The following TELO2 variants were observed in gnomAD, a reference collection of about 807,000 sequenced individuals.
TELO2 encodes the protein telomere length regulation protein TEL2 homolog.
Under a neutral mutation model 91.0 loss-of-function variants are expected in TELO2, and 71 were observed. The observed-to-expected ratio is 0.78, with a 90% CI of 0.64 to 0.95. TELO2 has a LOEUF of 0.95. Among genes scored for constraint, TELO2 ranks in the 40% least tolerant of loss-of-function variants. TELO2 has a pLI of 0.00. For synonymous variants in TELO2, 584 were observed against 518.9 expected (o/e 1.13, Z -1.71); for missense variants, 1,183 against 1,141.3 (o/e 1.04, Z -0.53).
intron 16 of TELO2, 26 bp from the exon 17 acceptor site, chr16:1,506,212 G>A (rs1476151232): frequency 5.0e-6 from 8 of 1,611,996 alleles, no homozygotes; most frequent in Non-Finnish European, 5.1e-6. Flanking sequence ...CTGCACCTCC[G>A]TGATCGCTGT....
intron 5 of TELO2, among the ~76,000 whole-genome samples, chr16:1,498,275 A>G (rs938064898): frequency 2.0e-5 from 3 of 152,196 alleles, no homozygotes; most frequent in Non-Finnish European, 4.4e-5. Context: ...TCGGCTTCCC[A>G]AAGTGTTGGG....
Position 1,497,428 on chromosome 16 carries a change from C to T in TELO2, c.750C>T (p.Arg250=), listed in dbSNP as rs552118316. The T allele has an allele frequency of 1.1e-5, 17 of 1,559,218 alleles. No individual in the cohort carries two copies. Among genetic ancestry groups the T allele is most frequent in the Middle Eastern group, 1.7e-4 (1 of 5,906 alleles). The change falls in exon 5 of 21, where the codon CGC becomes CGT. Residue 250 remains arginine, a synonymous_variant. Coordinates refer to ENST00000262319, the MANE Select transcript of TELO2 (RefSeq NM_016111.4). The surrounding 1 kb of genome is among the most constrained non-coding windows in gnomAD (Gnocchi z 4.0). The stretch of plus-strand genomic sequence containing the variant: ...CCCAGGGCAGCTACCTGCACCAGCG[C>T]GTCTGCTGGCGCCTGGTGGAGCAAG... The part of the protein sequence containing the change: ...ALTQGSYLHQ[R]VCWRLVEQVP...
At position 1,494,301 on chromosome 16, in the gene TELO2, A is replaced by G. The variant is rs2667661; in HGVS notation, c.20A>G (p.Glu7Gly). The change falls in exon 2 of 21, where the codon GAG (glutamate) becomes GGG (glycine). Residue 7 changes from glutamate (E) to glycine (G), a missense_variant. Physicochemically the swap from Glu to Gly is moderately conservative, Grantham distance 98. Coordinates refer to ENST00000262319, the MANE Select transcript of TELO2 (RefSeq NM_016111.4). The surrounding 1 kb of genome is among the most constrained non-coding windows in gnomAD (Gnocchi z 5.6). ...TGCAGGATGGAGCCAGCACCCTCAG[A>G]GGTTCGACTCGCCGTCCGGGAAGCC... MEPAPS[E>G]VRLAVREAIH... is the part of the protein sequence containing the mutation. The G allele has an allele frequency of 0.25, 410,516 of 1,612,066 alleles. 55,204 individuals carry two copies. Among genetic ancestry groups the G allele is most frequent in the East Asian group, 0.54 (24,202 of 44,784 alleles).
chr16:1,500,861 C>T (rs1596259140), intron 9 of TELO2, among the ~76,000 whole-genome samples, 162 bp downstream of exon 9: 1 of 152,232 alleles, frequency 6.6e-6, no homozygotes, highest in Admixed American at 6.5e-5. Context: ...GGCAGGTTCT[C>T]AGCCCTGAGC....
In TELO2 at chr16:1,494,908, G is replaced by C. The variant is rs911184593; in HGVS notation, c.335+292G>C. Among the ~76,000 whole-genome samples, 1 of 152,204 alleles carries C rather than the reference G, an allele frequency of 6.6e-6. No individual in the cohort carries two copies. Among genetic ancestry groups the C allele is most frequent in the African/African-American group, 2.4e-5 (1 of 41,438 alleles). On this transcript the variant is annotated intron_variant, in intron 2 of 20. Transcript: ENST00000262319. The surrounding 1 kb of genome is among the most constrained non-coding windows in gnomAD (Gnocchi z 5.6). The stretch of plus-strand genomic sequence containing the variant: ...CAGAGGCAGCCCGTCAGCTGGGGAC[G>C]TTCCAGGTTTTCCAGGGAAGCACAG...
chr16:1,496,800 C>T (rs1186943125), intron 3 of TELO2, among the ~76,000 whole-genome samples: 1 of 152,226 alleles, frequency 6.6e-6, no homozygotes, highest in African/African-American at 2.4e-5. Flanking sequence ...CCTACACCAT[C>T]GTGACGATTA....
At position 1,497,458 on chromosome 16, in the gene TELO2, G is replaced by T; in HGVS notation, c.780G>T (p.Pro260=). 1 of 1,573,348 alleles carries T rather than the reference G, an allele frequency of 6.4e-7. No individual in the cohort carries two copies. The highest frequency in any genetic ancestry group is 8.6e-7 in the Non-Finnish European group (1 of 1,161,110). The stretch of plus-strand genomic sequence containing the variant: ...GCTGGCGCCTGGTGGAGCAAGTGCC[G>T]GACCGGGCCATGGAGGCTGTGCTGA... ...RVCWRLVEQV[P]DRAMEAVLTG... is the part of the protein sequence containing the mutation. The change falls in exon 5 of 21, where the codon CCG becomes CCT. Residue 260 remains proline (P), a synonymous_variant. Coordinates refer to ENST00000262319, the MANE Select transcript of TELO2 (RefSeq NM_016111.4). The surrounding 1 kb of genome is among the most constrained non-coding windows in gnomAD (Gnocchi z 4.0).
rs779619369 is a variant in TELO2, at chr16:1,502,718, G to T, written c.1727G>T (p.Arg576Leu). ...KTCVVGFAGL[R>L]QRALVAVTVT... ...TGTGTGGTGGGATTTGCAGGGCTGC[G>T]CCAGAGAGCCCTGGTGGCCGTCACG... Residue 576 changes from arginine (R) to leucine (L), a missense_variant, in exon 14 of 21, where the codon CGC becomes CTC. By Grantham distance (102) the Arg-to-Leu change is moderately radical. Transcript: ENST00000262319. The T allele has an allele frequency of 3.1e-6, 5 of 1,612,502 alleles. No homozygotes were observed. Among genetic ancestry groups the T allele is most frequent in the Non-Finnish European group, 4.2e-6 (5 of 1,179,884 alleles).
At position 1,499,421 on chromosome 16, in the gene TELO2, G is replaced by T. The variant is rs2039599321; in HGVS notation, c.933+88G>T. 6 of 1,429,738 alleles carry T rather than the reference G, an allele frequency of 4.2e-6. No homozygotes were observed. In the East Asian group the frequency reaches 1.4e-4, roughly 33 times the overall value. 88.6% of individuals were successfully genotyped at this position (1,429,738 alleles called of 1,614,324 possible). ...ACATGGGGTCGGAGCGGTGTCTGCT[G>T]CCTGGGAGACCCTGCCTGTGATTTG... On this transcript the variant is annotated intron_variant, in intron 6 of 20. Transcript: ENST00000262319.
rs935962264 is a variant in TELO2 at position 1,505,241 on chromosome 16, C to T, written c.1843-169C>T. ...CCCCACCTTCCCGCCTACCAAGGCG[C>T]GGTTGCTGTGAGCTACGGGGAAGTG... On this transcript the variant is annotated intron_variant, in intron 15 of 20. Transcript: ENST00000262319. This position sits in a 1 kb window ranked among gnomAD's most constrained non-coding sequence, Gnocchi z 4.3. 1.8e-5 allele frequency: 13 copies of T among 737,404 alleles called. No homozygotes were observed. The highest frequency in any genetic ancestry group is 1.2e-4 in the Admixed American group (4 of 33,786). The allele number at this position is 737,404 out of a possible 1,614,324, so 45.7% of individuals were successfully genotyped here. A position where few individuals can be genotyped will look rare whatever the true frequency, so the allele number is the denominator to read the frequency against.
At chr16:1,501,841 C>A in intron 11 of TELO2, 68 bp downstream of exon 11, 2 of 1,533,898 alleles carry the variant, frequency 1.3e-6, no homozygotes, top group Non-Finnish European at 8.9e-7. Flanking sequence ...ACACTCCAAG[C>A]TGCGGCCCCG....
In TELO2 at chr16:1,506,926, ACCTTGGGCT is replaced by A; in HGVS notation, c.2127-23_2127-15del. On this transcript the variant is annotated splice_polypyrimidine_tract_variant and intron_variant, in intron 17 of 20. Transcript: ENST00000262319. ...GACCTGGCCCTGAGGCACCCGCTGC[ACCTTGGGCT>A]CCATCCTGTGCTCTAGGCCTCTGGT... The A allele has an allele frequency of 6.3e-7, 1 of 1,589,008 alleles. No individual in the cohort carries two copies. Among genetic ancestry groups the A allele is most frequent in the Non-Finnish European group, 8.6e-7 (1 of 1,167,156 alleles).
intron 15 of TELO2, among the ~76,000 whole-genome samples, chr16:1,504,654 T>C (rs944459429): frequency 1.4e-5 from 2 of 139,802 alleles, no homozygotes; most frequent in Non-Finnish European, 3.0e-5. Context: ...CCCTCCCGGG[T>C]TCACGCCATT....
chr16:1,495,942 G>A (rs2039475525), intron 3 of TELO2, among the ~76,000 whole-genome samples: 1 of 152,246 alleles, frequency 6.6e-6, no homozygotes, highest in South Asian at 2.1e-4. Flanking sequence ...GCCCTGGAGA[G>A]GGGGTGCTGT....
intron 3 of TELO2, among the ~76,000 whole-genome samples, chr16:1,495,985 G>A (rs1449511289): frequency 2.0e-5 from 3 of 152,228 alleles, no homozygotes; most frequent in Admixed American, 6.5e-5. Context: ...GGGCTGCAGG[G>A]CCCCGTGAGC....
At chr16:1,500,218 G>T in intron 7 of TELO2, 54 bp downstream of exon 7, 6 of 1,553,492 alleles carry the variant, frequency 3.9e-6, no homozygotes, top group Non-Finnish European at 5.2e-6. Context: ...AGAGCCGTGC[G>T]GGGCTCACCT....
chr16:1,504,064 G>A (rs1440103334), intron 15 of TELO2, among the ~76,000 whole-genome samples: 1 of 147,886 alleles, frequency 6.8e-6, no homozygotes, highest in Admixed American at 6.8e-5. Flanking sequence ...GGTTGAGGCT[G>A]TCGTGAGCCG....
At chr16:1,506,127 G>C (rs2039884147) in intron 16 of TELO2, 111 bp from the exon 17 acceptor site, 6 of 1,208,168 alleles carry the variant, frequency 5.0e-6, no homozygotes, top group Middle Eastern at 2.3e-4. Flanking sequence ...AGCCCGGGGA[G>C]GCAAGGCGAG....
chr16:1,499,094 G>A, intron 5 of TELO2, 137 bp from the exon 6 acceptor site: 2 of 804,918 alleles, frequency 2.5e-6, no homozygotes, highest in East Asian at 2.6e-5. Context: ...GCAGTCGGAG[G>A]ATGGAACCAG....
Sources: gnomAD v4.1 joint callset for allele counts (sites outside exome capture counted in the v4.1 genomes callset) on GRCh38, gnomAD v4.1.1 for gene constraint, Gnocchi (gnomAD v3.1) non-coding constraint, MANE v1.5 for transcripts, NCBI Gene and HGNC (gene_info 2026-07-23, HGNC 2026-07-21) for gene names.